The following TLK1 variants were observed in gnomAD, a reference collection of about 807,000 sequenced individuals.
The protein encoded by TLK1 is tousled like kinase 1.
In TLK1, 24 loss-of-function variants were observed where a neutral mutation model predicts 105.3. The ratio of observed to expected loss-of-function variants is 0.23; its 90% CI spans 0.17 to 0.32. The LOEUF (loss-of-function observed/expected upper bound fraction) is 0.32. Ranked by LOEUF, TLK1 falls within the 10% of genes least tolerant of loss-of-function variation. The probability of loss-of-function intolerance (pLI) is 1.00; values close to 1 mark genes in which losing one functional copy is unlikely to be tolerated. For missense variants in TLK1, 558 were observed against 910.5 expected (o/e 0.61, Z 4.98); for synonymous variants, 321 against 310.4 (o/e 1.03, Z -0.36).
chr2:171,072,376 G>C (rs1052999986), intron 3 of TLK1, among the ~76,000 whole-genome samples: 1 of 152,228 alleles, frequency 6.6e-6, no homozygotes, highest in African/African-American at 2.4e-5. Flanking sequence ...CACTTTGAGA[G>C]GCCAAGGGGG....
At chr2:171,169,052 T>C (rs539763669) in intron 1 of TLK1, among the ~76,000 whole-genome samples, 2 of 151,848 alleles carry the variant, frequency 1.3e-5, no homozygotes, top group South Asian at 2.1e-4. Context: ...CACTCCAGCC[T>C]GGGCAACAGA....
At chr2:171,100,675 A>T in intron 2 of TLK1, among the ~76,000 whole-genome samples, 1 of 152,238 alleles carries the variant, frequency 6.6e-6, no homozygotes, top group Middle Eastern at 3.4e-3. Flanking sequence ...GACAATAATA[A>T]GTGTTGACAG....
intron 5 of TLK1, among the ~76,000 whole-genome samples, chr2:171,057,932 T>C (rs1687579033): frequency 6.6e-6 from 1 of 152,106 alleles, no homozygotes; most frequent in South Asian, 2.1e-4. Flanking sequence ...TTACAGGTTA[T>C]TATAAACAAC....
chr2:171,175,576 G>A (rs1575646860), intron 1 of TLK1, among the ~76,000 whole-genome samples: 2 of 152,190 alleles, frequency 1.3e-5, no homozygotes, highest in Admixed American at 1.3e-4. Context: ...AGGGACAACT[G>A]TACATACACA....
intron 8 of TLK1, 90 bp downstream of exon 8, chr2:171,053,671 T>C: frequency 9.2e-7 from 1 of 1,084,272 alleles, no homozygotes; most frequent in Non-Finnish European, 1.3e-6. Context: ...TAGCTACAGA[T>C]TTTTTTACAA....
intron 2 of TLK1, among the ~76,000 whole-genome samples, chr2:171,105,831 A>G (rs1028115506): frequency 6.6e-6 from 1 of 152,222 alleles, no homozygotes; most frequent in African/African-American, 2.4e-5. Flanking sequence ...TACAACTACC[A>G]TATGATCCAG....
chr2:171,053,934 T>A (rs1197968157), intron 7 of TLK1, 81 bp from the exon 8 acceptor site: 1 of 1,073,084 alleles, frequency 9.3e-7, no homozygotes, highest in Non-Finnish European at 1.3e-6. Flanking sequence ...TACTCCAAAT[T>A]CAAAAGGTAA....
chr2:171,031,003 A>G (rs1686015958), intron 11 of TLK1, among the ~76,000 whole-genome samples: 1 of 114,162 alleles, frequency 8.8e-6, no homozygotes, highest in Non-Finnish European at 1.9e-5. Context: ...AGTGATTCTT[A>G]CCATTTTACA....
At chr2:171,091,389 T>G (rs1318693959) in intron 2 of TLK1, among the ~76,000 whole-genome samples, 1 of 152,234 alleles carries the variant, frequency 6.6e-6, no homozygotes, top group African/African-American at 2.4e-5. Flanking sequence ...AAGCATTAAC[T>G]GTCTTAAATT....
chr2:171,081,324 T>C (rs1688743538), intron 3 of TLK1, among the ~76,000 whole-genome samples: 1 of 152,190 alleles, frequency 6.6e-6, no homozygotes, highest in Admixed American at 6.5e-5. Flanking sequence ...CATGTTTTGC[T>C]TTTTTAAAAA....
chr2:171,113,427 T>A (rs1273346933), intron 2 of TLK1, among the ~76,000 whole-genome samples: 1 of 152,012 alleles, frequency 6.6e-6, no homozygotes, highest in African/African-American at 2.4e-5. Context: ...CCCGCCACCA[T>A]GCCCAGCTAA....
intron 1 of TLK1, among the ~76,000 whole-genome samples, chr2:171,141,808 C>G (rs1227334847): frequency 6.6e-6 from 1 of 150,922 alleles, no homozygotes. Context: ...ACAGATAGGC[C>G]CAAATAGAGA....
intron 3 of TLK1, among the ~76,000 whole-genome samples, chr2:171,072,158 T>C (rs1688289693): frequency 6.6e-6 from 1 of 152,226 alleles, no homozygotes; most frequent in African/African-American, 2.4e-5. Flanking sequence ...TTGACAGGGA[T>C]TACATTAAAC....
intron 1 of TLK1, among the ~76,000 whole-genome samples, chr2:171,214,947 C>CT (rs34222069): frequency 6.1e-4 from 89 of 146,716 alleles, no homozygotes; most frequent in East Asian, 1.4e-3. Context: ...CAACTCTTTT[C>CT]TTTTTTTTTT....
At chr2:171,082,490 T>C (rs1688798013) in intron 3 of TLK1, among the ~76,000 whole-genome samples, 1 of 152,176 alleles carries the variant, frequency 6.6e-6, no homozygotes, top group South Asian at 2.1e-4. Context: ...AAGAACCTCC[T>C]TCCTCTCACA....
chr2:171,058,014 GAT>G (rs1258840913), intron 5 of TLK1, 135 bp downstream of exon 5: 2 of 724,530 alleles, frequency 2.8e-6, no homozygotes, highest in Admixed American at 5.7e-5. Flanking sequence ...TTCCTAGAAA[GAT>G]ATCACATAGT....
chr2:171,086,630 A>AAAAC (rs1317705895), intron 2 of TLK1, among the ~76,000 whole-genome samples: 4 of 133,112 alleles, frequency 3.0e-5, no homozygotes, highest in African/African-American at 1.3e-4. Context: ...CGTCTCAAAA[A>AAAAC]AAACAAACAA....
At chr2:171,099,206 C>A (rs1018457405) in intron 2 of TLK1, among the ~76,000 whole-genome samples, 2 of 152,050 alleles carry the variant, frequency 1.3e-5, no homozygotes, top group East Asian at 3.8e-4. Flanking sequence ...AAATGTATAT[C>A]TATAAAACAG....
At chr2:171,156,995 A>G (rs1190826687) in intron 1 of TLK1, among the ~76,000 whole-genome samples, 4 of 152,066 alleles carry the variant, frequency 2.6e-5, no homozygotes, top group African/African-American at 9.7e-5. Flanking sequence ...TTGTAGAGAC[A>G]GGGTTTCACC....
Sources: gnomAD v4.1 joint callset for allele counts (sites outside exome capture counted in the v4.1 genomes callset) on GRCh38, gnomAD v4.1.1 for gene constraint, MANE v1.5 for transcripts, NCBI Gene and HGNC (gene_info 2026-07-23, HGNC 2026-07-21) for gene names.